CAMK1D: variants seen among roughly 807,000 people sequenced by gnomAD.
CAMK1D encodes calcium/calmodulin-dependent protein kinase type 1D.
In CAMK1D, 9 loss-of-function variants were observed where a neutral mutation model predicts 47.7. The ratio of observed to expected loss-of-function variants is 0.19; its 90% CI spans 0.11 to 0.33. The LOEUF (loss-of-function observed/expected upper bound fraction) is 0.33. CAMK1D is among the 10% of genes least tolerant of loss of function. CAMK1D has a pLI of 1.00. For missense variants in CAMK1D, 291 were observed against 488.7 expected, an observed-to-expected ratio of 0.60 and a Z score of 3.81; for synonymous variants, 184 against 184.9, an observed-to-expected ratio of 0.99 and a Z score of 0.04.
intron 2 of CAMK1D, among the ~76,000 whole-genome samples, chr10:12,558,847 T>A (rs1836847963): frequency 6.6e-6 from 1 of 152,160 alleles, no homozygotes; most frequent in African/African-American, 2.4e-5. Context: ...AGAGATTGTC[T>A]TGCCTTGGGG....
At chr10:12,744,582 CAAAG>C (rs1835579078) in intron 3 of CAMK1D, among the ~76,000 whole-genome samples, 1 of 151,946 alleles carries the variant, frequency 6.6e-6, no homozygotes, top group Non-Finnish European at 1.5e-5. Flanking sequence ...ACACTGGCAA[CAAAG>C]AAAGGCGAAC....
rs183830970 is a variant in CAMK1D, at chr10:12,452,701, T to C, written c.93-100524T>C. Among the ~76,000 whole-genome samples, 461 of 152,114 alleles carry C rather than the reference T, an allele frequency of 3.0e-3. 3 individuals carry two copies. In the Middle Eastern group the frequency reaches 0.041, roughly 13 times the overall value. ...CCTGGGTTCAAACAATTCTCCTGCC[T>C]CAGCCTCCCGAGTAGTTGGGATTAC... On this transcript the variant is annotated intron_variant, in intron 1 of 10. Transcript: ENST00000619168.
chr10:12,741,838 G>C (rs1835445703), intron 3 of CAMK1D, among the ~76,000 whole-genome samples: 1 of 152,172 alleles, frequency 6.6e-6, no homozygotes. Flanking sequence ...CGGCCCTGCA[G>C]GGATTTCTCC....
chr10:12,439,073 G>A (rs574421104), intron 1 of CAMK1D, among the ~76,000 whole-genome samples: 12 of 152,146 alleles, frequency 7.9e-5, no homozygotes, highest in African/African-American at 2.7e-4. Flanking sequence ...GGAGACTGTC[G>A]CCAGGGTAGG....
intron 5 of CAMK1D, among the ~76,000 whole-genome samples, chr10:12,787,596 T>C (rs1046539599): frequency 3.9e-5 from 6 of 152,250 alleles, no homozygotes; most frequent in Non-Finnish European, 8.8e-5. Flanking sequence ...TCAGAGGCTG[T>C]GTAAGCAGCT....
intron 5 of CAMK1D, among the ~76,000 whole-genome samples, chr10:12,790,754 G>A (rs946220172): frequency 6.6e-6 from 1 of 152,090 alleles, no homozygotes; most frequent in Non-Finnish European, 1.5e-5. Context: ...ATTTTGGGAG[G>A]CTGATGGGGG....
At chr10:12,380,815 C>G (rs370742654) in intron 1 of CAMK1D, among the ~76,000 whole-genome samples, 1 of 152,278 alleles carries the variant, frequency 6.6e-6, no homozygotes, top group Non-Finnish European at 1.5e-5. Context: ...GAGATTGCAC[C>G]ACTGCACTTC....
At chr10:12,718,691 T>A (rs112196723) in intron 3 of CAMK1D, among the ~76,000 whole-genome samples, 77 of 152,382 alleles carry the variant, frequency 5.1e-4, no homozygotes, top group African/African-American at 1.5e-3. Context: ...CAGGTTATGA[T>A]ACAAGATCTT....
chr10:12,436,523 G>A (rs747949012), intron 1 of CAMK1D, among the ~76,000 whole-genome samples: 1 of 152,196 alleles, frequency 6.6e-6, no homozygotes, highest in Non-Finnish European at 1.5e-5. Context: ...ACTTCTGTGG[G>A]GTTTATGTTC....
At chr10:12,481,951 G>A (rs1307701735) in intron 1 of CAMK1D, among the ~76,000 whole-genome samples, 1 of 152,188 alleles carries the variant, frequency 6.6e-6, no homozygotes, top group Admixed American at 6.5e-5. Context: ...GATCACTCAC[G>A]ATGCTTAATA....
At chr10:12,407,418 A>G (rs1239370393) in intron 1 of CAMK1D, among the ~76,000 whole-genome samples, 1 of 152,210 alleles carries the variant, frequency 6.6e-6, no homozygotes, top group Non-Finnish European at 1.5e-5. Flanking sequence ...TTTCCTTCTC[A>G]CTGAAGCGTC....
At chr10:12,367,096 A>G (rs1200292892) in intron 1 of CAMK1D, among the ~76,000 whole-genome samples, 2 of 152,212 alleles carry the variant, frequency 1.3e-5, no homozygotes, top group African/African-American at 4.8e-5. Context: ...ACAGACTTCC[A>G]GAGAGCTAAT....
chr10:12,470,161 G>A (rs1002775852), intron 1 of CAMK1D, among the ~76,000 whole-genome samples: 1 of 152,108 alleles, frequency 6.6e-6, no homozygotes, highest in African/African-American at 2.4e-5. Context: ...TTACCTCCTG[G>A]ATTTCATAAC....
chr10:12,390,480 A>G (rs1018066645), intron 1 of CAMK1D, among the ~76,000 whole-genome samples: 4 of 152,152 alleles, frequency 2.6e-5, no homozygotes, highest in African/African-American at 9.7e-5. Flanking sequence ...CTCTGTCACT[A>G]TATCTGTCTC....
intron 1 of CAMK1D, among the ~76,000 whole-genome samples, chr10:12,410,629 A>G (rs2099253859): frequency 6.6e-6 from 1 of 152,244 alleles, no homozygotes; most frequent in Non-Finnish European, 1.5e-5. Flanking sequence ...TCACAGATCA[A>G]TGAAGGACAC....
intron 3 of CAMK1D, among the ~76,000 whole-genome samples, chr10:12,716,271 G>C (rs1834131892): frequency 6.6e-6 from 1 of 152,080 alleles, no homozygotes; most frequent in South Asian, 2.1e-4. Context: ...GTGTATTGTA[G>C]GATGTTTATC....
intron 1 of CAMK1D, among the ~76,000 whole-genome samples, chr10:12,401,590 A>T (rs929507137): frequency 1.3e-5 from 2 of 151,328 alleles, no homozygotes; most frequent in African/African-American, 4.9e-5. Flanking sequence ...GGGCTGGCAG[A>T]TAGGGAGGCT....
intron 1 of CAMK1D, among the ~76,000 whole-genome samples, chr10:12,512,509 C>A (rs951307484): frequency 6.6e-6 from 1 of 152,198 alleles, no homozygotes; most frequent in African/African-American, 2.4e-5. Context: ...GATTCTTCTG[C>A]CTCAGCAGCT....
intron 1 of CAMK1D, among the ~76,000 whole-genome samples, chr10:12,361,959 G>A (rs1329396785): frequency 1.3e-5 from 2 of 152,150 alleles, no homozygotes; most frequent in East Asian, 3.9e-4. Context: ...TGGCTTTGGA[G>A]CCTCCCCTAC....
Sources: gnomAD v4.1 joint callset for allele counts (sites outside exome capture counted in the v4.1 genomes callset) on GRCh38, gnomAD v4.1.1 for gene constraint, MANE v1.5 for transcripts, NCBI Gene and HGNC (gene_info 2026-07-23, HGNC 2026-07-21) for gene names.